The following MACROD2 variants were observed in gnomAD, a reference collection of about 807,000 sequenced individuals.
MACROD2 encodes the protein ADP-ribose glycohydrolase MACROD2.
MACROD2 carries 36 observed loss-of-function variants against 70.4 expected under a neutral mutation model. The observed-to-expected ratio is 0.51, with a 90% CI of 0.39 to 0.68. MACROD2 has a LOEUF of 0.68. MACROD2 is among the 30% of genes least tolerant of loss of function. The pLI is 0.00. For missense variants in MACROD2, 496 were observed against 538.4 expected (o/e 0.92, Z 0.78); for synonymous variants, 172 against 178.8 (o/e 0.96, Z 0.30).
chr20:14,526,614 G>A (rs545046031), intron 4 of MACROD2, among the ~76,000 whole-genome samples: 29 of 152,232 alleles, frequency 1.9e-4, no homozygotes, highest in Non-Finnish European at 4.3e-4. Flanking sequence ...CTTCACGGAC[G>A]TCTATAATAT....
At chr20:15,657,676 C>T (rs2049751900) in intron 8 of MACROD2, among the ~76,000 whole-genome samples, 1 of 152,178 alleles carries the variant, frequency 6.6e-6, no homozygotes, top group African/African-American at 2.4e-5. Context: ...GTCTCAAACT[C>T]AGGCTCTATT....
rs564802908 is a variant in MACROD2, at chr20:15,699,583, A to T, written c.646-163162A>T. Among the ~76,000 whole-genome samples, 354 of 152,270 alleles carry T rather than the reference A, an allele frequency of 2.3e-3. 1 individual carries two copies. The highest frequency in any genetic ancestry group is 8.3e-3 in the African/African-American group (346 of 41,568). The stretch of plus-strand genomic sequence containing the variant: ...CAGGAGGGGGCGCTTTCCAGAAAGC[A>T]TCAGAGCCGCCGCTGTGTCCCCTGC... On this transcript the variant is annotated intron_variant, in intron 8 of 17. Coordinates refer to ENST00000684519, the MANE Select transcript of MACROD2 (RefSeq NM_001351661.2).
intron 8 of MACROD2, among the ~76,000 whole-genome samples, chr20:15,725,252 A>G (rs1414922082): frequency 6.6e-6 from 1 of 152,102 alleles, no homozygotes; most frequent in African/African-American, 2.4e-5. Context: ...GTTCTTTTTA[A>G]ATTTTTTTCA....
chr20:14,494,920 T>C (rs1188781737), intron 4 of MACROD2, among the ~76,000 whole-genome samples: 4 of 152,128 alleles, frequency 2.6e-5, no homozygotes, highest in African/African-American at 9.7e-5. Flanking sequence ...ATAGTGCTGA[T>C]TTTCTTACAA....
chr20:14,534,539 C>G (rs191458743), intron 4 of MACROD2, among the ~76,000 whole-genome samples: 2 of 152,204 alleles, frequency 1.3e-5, no homozygotes, highest in Admixed American at 1.3e-4. Context: ...TCTCGTTGAT[C>G]AAGAGTGTCT....
intron 6 of MACROD2, among the ~76,000 whole-genome samples, chr20:15,379,992 T>TCTTGGGTCC (rs2045619202): frequency 7.2e-6 from 1 of 139,426 alleles, no homozygotes; most frequent in Non-Finnish European, 1.5e-5. Context: ...GGAAAACAGA[T>TCTTGGGTCC]CTTGGGTCTC....
chr20:15,888,844 G>A (rs1254780278), intron 10 of MACROD2, among the ~76,000 whole-genome samples: 2 of 152,106 alleles, frequency 1.3e-5, no homozygotes, highest in Non-Finnish European at 2.9e-5. Context: ...CCAGACATTG[G>A]TGTGCATGCT....
intron 9 of MACROD2, among the ~76,000 whole-genome samples, chr20:15,865,852 G>A (rs1042032807): frequency 3.9e-5 from 6 of 152,152 alleles, no homozygotes; most frequent in Non-Finnish European, 4.4e-5. Flanking sequence ...TATTAGTTCT[G>A]TATGCACCAC....
At chr20:14,860,448 G>A (rs1360824750) in intron 5 of MACROD2, among the ~76,000 whole-genome samples, 1 of 152,086 alleles carries the variant, frequency 6.6e-6, no homozygotes. Flanking sequence ...GAAGGGAGGG[G>A]CCTAATTTAT....
intron 8 of MACROD2, among the ~76,000 whole-genome samples, chr20:15,844,386 G>A (rs1287849888): frequency 6.6e-6 from 1 of 152,094 alleles, no homozygotes; most frequent in African/African-American, 2.4e-5. Flanking sequence ...CCCGGTAACT[G>A]CTATCATTTA....
intron 5 of MACROD2, among the ~76,000 whole-genome samples, chr20:15,026,677 A>G (rs758930495): frequency 1.4e-4 from 22 of 151,936 alleles, no homozygotes; most frequent in Non-Finnish European, 2.8e-4. Context: ...TATTATTATC[A>G]TTTCTAAATA....
chr20:14,092,417 T>C (rs2054162877), intron 3 of MACROD2, among the ~76,000 whole-genome samples: 1 of 152,210 alleles, frequency 6.6e-6, no homozygotes, highest in African/African-American at 2.4e-5. Flanking sequence ...CATATTGATA[T>C]ATACTGAAAT....
intron 5 of MACROD2, among the ~76,000 whole-genome samples, chr20:14,923,818 G>C (rs903510163): frequency 7.9e-6 from 1 of 127,350 alleles, no homozygotes; most frequent in African/African-American, 3.0e-5. Flanking sequence ...GGGGCGGGGA[G>C]GGGGTGGAGG....
chr20:15,700,294 C>T (rs1033855978), intron 8 of MACROD2, among the ~76,000 whole-genome samples: 1 of 152,204 alleles, frequency 6.6e-6, no homozygotes, highest in African/African-American at 2.4e-5. Context: ...TCTGAGAGAG[C>T]AACCCAAAGG....
intron 5 of MACROD2, among the ~76,000 whole-genome samples, chr20:14,923,559 C>T (rs1276645516): frequency 6.6e-6 from 1 of 152,136 alleles, no homozygotes; most frequent in Non-Finnish European, 1.5e-5. Context: ...ATCTCCTTGA[C>T]TACCCTGTTT....
intron 3 of MACROD2, among the ~76,000 whole-genome samples, chr20:14,442,502 A>C (rs966518492): frequency 6.6e-6 from 1 of 152,120 alleles, no homozygotes; most frequent in African/African-American, 2.4e-5. Flanking sequence ...AAAGTGAAAA[A>C]TATGGAGATA....
rs141674829 is a variant in MACROD2, at chr20:15,567,878, A to C, written c.645+68031A>C. Among the ~76,000 whole-genome samples, 4 of 152,340 alleles carry C rather than the reference A, an allele frequency of 2.6e-5. No homozygotes were observed. The East Asian group carries it at 7.7e-4, about 29-fold the overall frequency. The stretch of plus-strand genomic sequence containing the variant: ...GTTATCACTTCTTCTTGCCTTTAAG[A>C]AGAAGCTGGAAATTCAGATTTTTTG... On this transcript the variant is annotated intron_variant, in intron 8 of 17. Coordinates refer to ENST00000684519, the MANE Select transcript of MACROD2 (RefSeq NM_001351661.2).
chr20:14,274,161 C>T (rs947750065), intron 3 of MACROD2, among the ~76,000 whole-genome samples: 1 of 152,148 alleles, frequency 6.6e-6, no homozygotes, highest in Non-Finnish European at 1.5e-5. Flanking sequence ...CAGCATCATC[C>T]TGATACCAAA....
intron 5 of MACROD2, among the ~76,000 whole-genome samples, chr20:15,046,203 G>A (rs2075393663): frequency 6.6e-6 from 1 of 151,536 alleles, no homozygotes; most frequent in Non-Finnish European, 1.5e-5. Flanking sequence ...ATATATATAA[G>A]AAATTCAAAT....
Sources: allele counts gnomAD v4.1 joint callset (sites outside exome capture counted in the v4.1 genomes callset), GRCh38; gene constraint gnomAD v4.1.1; transcripts MANE v1.5; gene names NCBI Gene and HGNC (gene_info 2026-07-23, HGNC 2026-07-21).